The following NBR1 variants were observed in gnomAD, a reference collection of about 807,000 sequenced individuals.
The protein encoded by NBR1 is next to BRCA1 gene 1 protein.
In NBR1, 59 loss-of-function variants were observed where a neutral mutation model predicts 115.5. The observed-to-expected ratio is 0.51, with a 90% CI of 0.41 to 0.63. The LOEUF is 0.63. Ranked by LOEUF, NBR1 falls within the 30% of genes least tolerant of loss-of-function variation. The probability of loss-of-function intolerance (pLI) is 0.00; values close to 1 mark genes in which losing one functional copy is unlikely to be tolerated. For synonymous variants in NBR1, 373 were observed against 414.7 expected, an observed-to-expected ratio of 0.90 and a Z score of 1.22; for missense variants, 1,043 against 1,150.5, an observed-to-expected ratio of 0.91 and a Z score of 1.35.
At chr17:43,198,499 A>G (rs1411013681) in intron 16 of NBR1, among the ~76,000 whole-genome samples, 1 of 151,946 alleles carries the variant, frequency 6.6e-6, no homozygotes, top group Non-Finnish European at 1.5e-5. Flanking sequence ...CTAAAAATAC[A>G]AAAATTAGCT....
chr17:43,208,023 G>T (rs1445133331), intron 20 of NBR1, among the ~76,000 whole-genome samples: 1 of 152,214 alleles, frequency 6.6e-6, no homozygotes, highest in East Asian at 1.9e-4. Context: ...CTGAAAGAAA[G>T]CTGGGAACTA....
At chr17:43,203,167 G>C (rs539443836) in intron 19 of NBR1, among the ~76,000 whole-genome samples, 84 of 151,946 alleles carry the variant, frequency 5.5e-4, no homozygotes, top group Non-Finnish European at 9.0e-4. Flanking sequence ...AAAAAAAAGA[G>C]TGTTTTATGT....
rs2056800280 is a variant in NBR1 at position 43,186,323 on chromosome 17, C to T, written c.281C>T (p.Pro94Leu). The T allele has an allele frequency of 6.3e-7, 1 of 1,593,528 alleles. No homozygotes were observed. Among genetic ancestry groups the T allele is most frequent in the Non-Finnish European group, 8.5e-7 (1 of 1,170,078 alleles). ...CACCATGTCGTTGATGAAGCCCCAC[C>T]CCCAGTTGTAGGAGCAAAACGACTA... ...EGHHVVDEAP[P>L]PVVGAKRLAA... The change falls in exon 6 of 21, where the codon CCC becomes CTC. Residue 94 changes from proline (P) to leucine (L), a missense_variant. Pro to Leu is a moderately conservative substitution (Grantham distance 98). Coordinates refer to ENST00000590996, the MANE Select transcript of NBR1 (RefSeq NM_005899.5).
At position 43,203,696 on chromosome 17, in the gene NBR1, C is replaced by T; in HGVS notation, c.2637C>T (p.Ser879=). 6.2e-7 allele frequency: 1 copy of T among 1,608,808 alleles called. No individual in the cohort carries two copies. The highest frequency in any genetic ancestry group is 8.5e-7 in the Non-Finnish European group (1 of 1,177,150). ...SYDHSRHHHG[S]SIAGGLVKGA... Reference sequence around the variant, plus strand: ...TCCTCTGCAGGCACCATCATGGGAGCAGCATTGCTGGAGGACTGGTGAAGG... The same window carrying T: ...TCCTCTGCAGGCACCATCATGGGAGTAGCATTGCTGGAGGACTGGTGAAGG... Residue 879 remains serine (S), a synonymous_variant, in exon 20 of 21, where the codon AGC becomes AGT. Coordinates refer to ENST00000590996, the MANE Select transcript of NBR1 (RefSeq NM_005899.5).
At chr17:43,196,891 T>G in intron 15 of NBR1, 51 bp from the exon 16 acceptor site, 4 of 1,593,876 alleles carry the variant, frequency 2.5e-6, no homozygotes, top group Non-Finnish European at 3.4e-6. Context: ...CTGGTGAATG[T>G]TCCTCAGCAC....
chr17:43,207,621 A>G (rs2057341787), intron 20 of NBR1, among the ~76,000 whole-genome samples: 1 of 152,180 alleles, frequency 6.6e-6, no homozygotes, highest in African/African-American at 2.4e-5. Flanking sequence ...CAGCCTCCCA[A>G]ATTGCTGGGA....
rs948767384 is a variant in NBR1, at chr17:43,193,776, C to T, written c.1524+138C>T. 6 of 890,578 alleles carry T rather than the reference C, an allele frequency of 6.7e-6. No homozygotes were observed. In the African/African-American group the frequency reaches 1.0e-4, roughly 15 times the overall value. The allele number at this position is 890,578 out of a possible 1,614,324, so 55.2% of individuals were successfully genotyped here. ...GTTAGCATCTCCCCCCGCCCCAACA[C>T]ATCTCTATGCTGATATTTGGCCTCT... On this transcript the variant is annotated intron_variant, in intron 12 of 20. Coordinates refer to ENST00000590996, the MANE Select transcript of NBR1 (RefSeq NM_005899.5).
chr17:43,179,326 TC>T, intron 3 of NBR1, 67 bp from the exon 4 acceptor site: 1 of 1,451,370 alleles, frequency 6.9e-7, no homozygotes, highest in South Asian at 1.2e-5. Flanking sequence ...ATGGGGCTGG[TC>T]CTAGTAACAG....
chr17:43,198,210 T>G (rs1468684864), intron 16 of NBR1, among the ~76,000 whole-genome samples: 1 of 151,894 alleles, frequency 6.6e-6, no homozygotes, highest in Admixed American at 6.6e-5. Flanking sequence ...CAGAAACTTC[T>G]AGGTATCAGA....
rs773894255 is a variant in NBR1 at position 43,177,992 on chromosome 17, T to C, written c.159T>C (p.Asn53=). The C allele has an allele frequency of 3.1e-5, 48 of 1,571,614 alleles. No individual in the cohort carries two copies. The highest frequency in any genetic ancestry group is 3.4e-4 in the Middle Eastern group (2 of 5,880). ...AAATAAAATACCTGGATGAGGAAAA[T>C]GAAGAGGTAAAATATATTATGGCAC... The part of the protein sequence containing the change: ...TIQIKYLDEE[N]EEVSINSQGE... The change falls in exon 3 of 21, where the codon AAT becomes AAC. Residue 53 remains asparagine (N), a synonymous_variant. Transcript: ENST00000590996.
intron 5 of NBR1, 110 bp from the exon 6 acceptor site, chr17:43,186,140 A>C: frequency 1.1e-6 from 1 of 874,948 alleles, no homozygotes; most frequent in Non-Finnish European, 1.7e-6. Flanking sequence ...CACAAATCCT[A>C]GTATTTTCTA....
At chr17:43,203,597 T>C (rs2057250372) in intron 19 of NBR1, 84 bp from the exon 20 acceptor site, 2 of 788,650 alleles carry the variant, frequency 2.5e-6, no homozygotes, top group Non-Finnish European at 4.0e-6. Context: ...GGAAATCTTA[T>C]TCCAAGGATT....
chr17:43,178,321 T>C (rs1415917205), intron 3 of NBR1, among the ~76,000 whole-genome samples: 1 of 151,562 alleles, frequency 6.6e-6, no homozygotes, highest in East Asian at 1.9e-4. Flanking sequence ...GTGCTGGGAT[T>C]ATAGGTGTGA....
At chr17:43,175,692 G>T in intron 1 of NBR1, 99 bp from the exon 2 acceptor site, 1 of 595,752 alleles carries the variant, frequency 1.7e-6, no homozygotes, top group Non-Finnish European at 3.0e-6. Flanking sequence ...AGCCCATATT[G>T]GGTCCTCACA....
rs1405858342 is a variant in NBR1, at chr17:43,193,650, C to T, written c.1524+12C>T. The T allele has an allele frequency of 6.3e-7, 1 of 1,598,694 alleles. No homozygotes were observed. The highest frequency in any genetic ancestry group is 8.5e-7 in the Non-Finnish European group (1 of 1,171,590). ...CCTGCCAGCAAGAGGTGAGCATTGA[C>T]TGACAGGCTTTGGCCTAGTATCCAA... is the stretch of plus-strand genomic sequence containing the variant. On this transcript the variant is annotated intron_variant, in intron 12 of 20. Coordinates refer to ENST00000590996, the MANE Select transcript of NBR1 (RefSeq NM_005899.5).
intron 3 of NBR1, 30 bp downstream of exon 3, chr17:43,178,028 G>A (rs1319185586): frequency 1.9e-6 from 3 of 1,562,052 alleles, no homozygotes; most frequent in Non-Finnish European, 2.6e-6. Context: ...TTATTGCTAG[G>A]TGTTCAGAAT....
chr17:43,196,189 C>T, intron 14 of NBR1: 1 of 226,010 alleles, frequency 4.4e-6, no homozygotes, highest in Non-Finnish European at 8.4e-6. Context: ...ATCCTCTTCT[C>T]TTTTTTCCCT....
chr17:43,200,270 T>TGAG lies in NBR1; in HGVS notation c.2142_2144dup (p.Glu714dup), dbSNP rs757447844. 11 of 1,550,528 alleles carry TGAG rather than the reference T, an allele frequency of 7.1e-6. No individual in the cohort carries two copies. The Admixed American group carries it at 1.8e-4, about 25-fold the overall frequency. ...TGGAGGAGGAGGAGGATGAGGAGGA[T>TGAG]GAGGAGGAGGAGGATGAGCTCAAAG... On this transcript the variant is annotated inframe_insertion, in exon 17 of 21. Coordinates refer to ENST00000590996, the MANE Select transcript of NBR1 (RefSeq NM_005899.5).
intron 14 of NBR1, chr17:43,196,158 A>C: frequency 5.4e-6 from 1 of 185,638 alleles, no homozygotes. Context: ...AGTTCGTGCA[A>C]GGCTTTTCCA....
Sources: allele counts gnomAD v4.1 joint callset (sites outside exome capture counted in the v4.1 genomes callset), GRCh38; gene constraint gnomAD v4.1.1; transcripts MANE v1.5; gene names NCBI Gene and HGNC (gene_info 2026-07-23, HGNC 2026-07-21).